GPC6: variants seen among roughly 807,000 people sequenced by gnomAD.
The protein encoded by GPC6 is glypican-6.
Under a neutral mutation model 55.2 loss-of-function variants are expected in GPC6, and 14 were observed. The observed-to-expected ratio is 0.25, with a 90% confidence interval of 0.17 to 0.40. The LOEUF (loss-of-function observed/expected upper bound fraction) is 0.40, where lower values mean the gene tolerates loss of function less well. GPC6 is among the 10% of genes least tolerant of loss of function. The pLI, the probability that GPC6 is intolerant of heterozygous loss-of-function variation, is 1.00. For synonymous variants in GPC6, 278 were observed against 259.6 expected, an observed-to-expected ratio of 1.07 and a Z score of -0.68; for missense variants, 641 against 708.5, an observed-to-expected ratio of 0.90 and a Z score of 1.08.
chr13:93,409,337 T>C (rs1226475266), intron 1 of GPC6, among the ~76,000 whole-genome samples: 1 of 152,156 alleles, frequency 6.6e-6, no homozygotes, highest in Non-Finnish European at 1.5e-5. Context: ...ACAAGAGTTC[T>C]TGAAACTTGA....
chr13:93,899,710 G>T (rs755905049), intron 3 of GPC6, among the ~76,000 whole-genome samples: 22 of 152,060 alleles, frequency 1.4e-4, no homozygotes, highest in Admixed American at 4.6e-4. Context: ...TAATAAAAAG[G>T]CCTGAAGAGG....
chr13:94,246,099 T>C (rs2139031854), intron 4 of GPC6, among the ~76,000 whole-genome samples: 1 of 152,250 alleles, frequency 6.6e-6, no homozygotes, highest in South Asian at 2.1e-4. Context: ...TGTTTTCATT[T>C]TCCTGATGAT....
At chr13:93,870,327 T>A (rs1341428428) in intron 3 of GPC6, among the ~76,000 whole-genome samples, 1 of 151,904 alleles carries the variant, frequency 6.6e-6, no homozygotes, top group African/African-American at 2.4e-5. Flanking sequence ...CTGTTATTTT[T>A]TATGAGGATG....
chr13:93,817,361 T>C (rs1440607378), intron 2 of GPC6, among the ~76,000 whole-genome samples: 1 of 151,066 alleles, frequency 6.6e-6, no homozygotes, highest in Non-Finnish European at 1.5e-5. Context: ...CTTGTGAGAT[T>C]TTCAAATCCT....
chr13:94,122,061 ATGTC>A (rs1886649395), intron 4 of GPC6, among the ~76,000 whole-genome samples: 2 of 152,120 alleles, frequency 1.3e-5, no homozygotes, highest in Admixed American at 1.3e-4. Flanking sequence ...AAGATAGACT[ATGTC>A]TGAATGGAAT....
intron 1 of GPC6, among the ~76,000 whole-genome samples, chr13:93,399,043 C>G (rs1034879397): frequency 1.7e-5 from 2 of 120,670 alleles, no homozygotes; most frequent in East Asian, 5.4e-4. Flanking sequence ...CCACATCTCT[C>G]TCCTACACAC....
chr13:94,393,271 A>T (rs1199221168), intron 7 of GPC6, among the ~76,000 whole-genome samples: 2 of 152,160 alleles, frequency 1.3e-5, no homozygotes, highest in Non-Finnish European at 2.9e-5. Context: ...GCAATCCACA[A>T]TCAAACATAT....
At chr13:93,256,551 A>G (rs1424039832) in intron 1 of GPC6, among the ~76,000 whole-genome samples, 1 of 152,206 alleles carries the variant, frequency 6.6e-6, no homozygotes, top group East Asian at 1.9e-4. Context: ...CATAGCCCTC[A>G]GTGCCTGGCT....
chr13:93,763,835 T>A (rs1352993200), intron 2 of GPC6, among the ~76,000 whole-genome samples: 1 of 152,144 alleles, frequency 6.6e-6, no homozygotes, highest in Non-Finnish European at 1.5e-5. Flanking sequence ...TTTATTTTTT[T>A]TTTTTATCTA....
intron 3 of GPC6, among the ~76,000 whole-genome samples, chr13:93,938,770 G>A (rs1359556031): frequency 6.6e-6 from 1 of 152,160 alleles, no homozygotes; most frequent in Non-Finnish European, 1.5e-5. Context: ...CTTATGAAAA[G>A]GGATCTTGCT....
At chr13:93,603,578 A>C (rs370653581) in intron 2 of GPC6, among the ~76,000 whole-genome samples, 1 of 152,216 alleles carries the variant, frequency 6.6e-6, no homozygotes, top group African/African-American at 2.4e-5. Flanking sequence ...TTCTGAGGTC[A>C]CACATCAAGG....
upstream of GPC6, among the ~76,000 whole-genome samples, chr13:93,223,448 G>T (rs1282933418): frequency 6.6e-6 from 1 of 151,826 alleles, no homozygotes; most frequent in African/African-American, 2.4e-5. Context: ...GTTGTTGTTT[G>T]TTTTGTTTTT....
At chr13:93,514,818 C>T (rs1881121836) in intron 1 of GPC6, among the ~76,000 whole-genome samples, 1 of 152,164 alleles carries the variant, frequency 6.6e-6, no homozygotes, top group Non-Finnish European at 1.5e-5. Flanking sequence ...CCCTACCAAC[C>T]TGTATTGGAC....
In GPC6 at chr13:94,387,730, TTCTCTC is replaced by T. The variant is rs3044333; in HGVS notation, c.1289+5210_1289+5215del. Among the ~76,000 whole-genome samples the T allele has an allele frequency of 2.0e-3, 277 of 141,246 alleles. 1 individual carries two copies. In the Middle Eastern group the frequency reaches 0.032, roughly 16 times the overall value. The allele number at this position is 141,246 out of a possible 152,430, so 92.7% of individuals were successfully genotyped here. On this transcript the variant is annotated intron_variant, in intron 7 of 8. Coordinates refer to ENST00000377047, the MANE Select transcript of GPC6 (RefSeq NM_005708.5). ...TACCCTTGTAAGAGGAGACATGAGT[TTCTCTC>T]TCTCTCTCTCTCTCTCTCTCTCTCT...
intron 4 of GPC6, among the ~76,000 whole-genome samples, chr13:94,097,016 AG>A (rs1885683990): frequency 6.6e-6 from 1 of 151,922 alleles, no homozygotes; most frequent in Non-Finnish European, 1.5e-5. Flanking sequence ...TATGATAAAT[AG>A]GTTAACACCT....
chr13:93,485,929 G>A (rs372655130), intron 1 of GPC6, among the ~76,000 whole-genome samples: 1 of 152,130 alleles, frequency 6.6e-6, no homozygotes, highest in Non-Finnish European at 1.5e-5. Flanking sequence ...ATCATTATCT[G>A]TTATCTTTCT....
At chr13:93,691,735 G>A (rs578005769) in intron 2 of GPC6, among the ~76,000 whole-genome samples, 1 of 152,030 alleles carries the variant, frequency 6.6e-6, no homozygotes, top group African/African-American at 2.4e-5. Flanking sequence ...TATGGGCCTG[G>A]AAGTTGACAT....
chr13:94,047,761 A>G (rs1883782637), intron 4 of GPC6, among the ~76,000 whole-genome samples: 1 of 152,142 alleles, frequency 6.6e-6, no homozygotes, highest in South Asian at 2.1e-4. Context: ...GCAGTAAAAT[A>G]TCAACACTAC....
chr13:94,001,807 G>T (rs752406590), intron 3 of GPC6, among the ~76,000 whole-genome samples: 3 of 152,058 alleles, frequency 2.0e-5, no homozygotes, highest in Non-Finnish European at 4.4e-5. Flanking sequence ...AACAGTCATG[G>T]AAGATTTTGT....
Sources: gnomAD v4.1 joint callset for allele counts (sites outside exome capture counted in the v4.1 genomes callset) on GRCh38, gnomAD v4.1.1 for gene constraint, MANE v1.5 for transcripts, NCBI Gene and HGNC (gene_info 2026-07-23, HGNC 2026-07-21) for gene names.